Variants in NNT observed in about 807,000 individuals in gnomAD.
NNT encodes the protein NAD(P) transhydrogenase, mitochondrial.
A neutral mutation model predicts 104.8 loss-of-function variants in NNT; 50 were observed. The ratio of observed to expected loss-of-function variants is 0.48; its 90% CI spans 0.38 to 0.60. The LOEUF (loss-of-function observed/expected upper bound fraction) is 0.60. Ranked by LOEUF, NNT falls within the 20% of genes least tolerant of loss-of-function variation. The pLI, the probability that NNT is intolerant of heterozygous loss-of-function variation, is 0.00. For missense variants in NNT, 1,131 were observed against 1,330.7 expected (o/e 0.85, Z 2.33); for synonymous variants, 461 against 490.4 (o/e 0.94, Z 0.79).
At chr5:43,665,832 G>T (rs1330734065) in intron 17 of NNT, among the ~76,000 whole-genome samples, 3 of 150,602 alleles carry the variant, frequency 2.0e-5, no homozygotes, top group African/African-American at 7.3e-5. Context: ...CCTCCTGGAC[G>T]GGGTGGCTGG....
At chr5:43,662,177 C>G (rs1433987286) in intron 17 of NNT, among the ~76,000 whole-genome samples, 1 of 151,988 alleles carries the variant, frequency 6.6e-6, no homozygotes, top group East Asian at 1.9e-4. Flanking sequence ...AGAGTATTCC[C>G]CACATTTCTG....
At chr5:43,608,119 C>T (rs577549690) in intron 1 of NNT, among the ~76,000 whole-genome samples, 33 of 152,136 alleles carry the variant, frequency 2.2e-4, no homozygotes, top group African/African-American at 3.6e-4. Context: ...TTAGTAGAAA[C>T]GGGGTTTCAC....
At chr5:43,622,458 G>A (rs2111635772) in intron 5 of NNT, among the ~76,000 whole-genome samples, 1 of 152,174 alleles carries the variant, frequency 6.6e-6, no homozygotes, top group Non-Finnish European at 1.5e-5. Context: ...AATAGAGACA[G>A]GATCTCACTA....
intron 5 of NNT, 72 bp from the exon 6 acceptor site, chr5:43,623,960 T>C: frequency 1.4e-6 from 2 of 1,405,650 alleles, no homozygotes; most frequent in Non-Finnish European, 2.0e-6. Context: ...TAGGCACCAA[T>C]AATTGTTAGC....
At chr5:43,653,954 CAA>C (rs1189629677) in intron 14 of NNT, among the ~76,000 whole-genome samples, 7 of 100,884 alleles carry the variant, frequency 6.9e-5, no homozygotes, top group African/African-American at 1.1e-4. Context: ...GACTCTGTCT[CAA>C]AAAAAAAAAA....
At position 43,652,240 on chromosome 5, in the gene NNT, A is replaced by G. The variant is rs542851213; in HGVS notation, c.1863+356A>G. On this transcript the variant is annotated intron_variant, in intron 13 of 21. Coordinates refer to ENST00000344920, the MANE Select transcript of NNT (RefSeq NM_182977.3). ...ACAATACAAAATTTGAAAAATTATT[A>G]TTAAGTACTATTAGTTCTTTTCCTA... Among the ~76,000 whole-genome samples, 8 of 152,374 alleles carry G rather than the reference A, an allele frequency of 5.3e-5. No individual in the cohort carries two copies. In the South Asian group the frequency reaches 1.7e-3, roughly 32 times the overall value.
chr5:43,659,198 G>T lies in NNT; in HGVS notation c.2482G>T (p.Gly828Cys). Residue 828 changes from glycine to cysteine, a missense_variant, in exon 17 of 22, where the codon GGT becomes TGT. Coordinates refer to ENST00000344920, the MANE Select transcript of NNT (RefSeq NM_182977.3). Reference protein sequence around the residue: ...MGVTLTAAIGGADMPVVITVL... With the variant: ...MGVTLTAAIGCADMPVVITVL... The stretch of plus-strand genomic sequence containing the variant: ...TGTGACTTTGACAGCTGCTATTGGG[G>T]GTGCTGACATGCCCGTCGTTATCAC... 1 of 1,611,662 alleles carries T rather than the reference G, an allele frequency of 6.2e-7. No individual in the cohort carries two copies. The highest frequency in any genetic ancestry group is 8.5e-7 in the Non-Finnish European group (1 of 1,178,866).
At chr5:43,627,466 C>G (rs1049361793) in intron 6 of NNT, among the ~76,000 whole-genome samples, 1 of 152,108 alleles carries the variant, frequency 6.6e-6, no homozygotes, top group East Asian at 1.9e-4. Flanking sequence ...TAACAAGTAC[C>G]CTGAGTGATT....
chr5:43,688,324 G>A (rs560787180), intron 19 of NNT, among the ~76,000 whole-genome samples: 2 of 152,116 alleles, frequency 1.3e-5, no homozygotes, highest in East Asian at 3.9e-4. Flanking sequence ...GGGTGATGTA[G>A]CCCCCCCACC....
chr5:43,689,001 A>G (rs1407842137), intron 19 of NNT, among the ~76,000 whole-genome samples: 2 of 152,214 alleles, frequency 1.3e-5, no homozygotes, highest in African/African-American at 4.8e-5. Context: ...ACTAGTTTAC[A>G]TTCCCACCAG....
intron 4 of NNT, 117 bp downstream of exon 4, chr5:43,616,182 C>T: frequency 2.4e-6 from 2 of 818,850 alleles, no homozygotes; most frequent in Non-Finnish European, 3.9e-6. Context: ...AGATTACAGC[C>T]TTTTGAGAGT....
chr5:43,653,580 GAA>G (rs201486689), intron 14 of NNT: 9 of 86,972 alleles, frequency 1.0e-4, no homozygotes, highest in Non-Finnish European at 1.8e-4. Context: ...TGTTAAAAAT[GAA>G]AAAAAAAAAA....
intron 7 of NNT, among the ~76,000 whole-genome samples, chr5:43,634,549 G>T (rs1750838148): frequency 1.3e-5 from 2 of 151,922 alleles, no homozygotes; most frequent in South Asian, 4.2e-4. Flanking sequence ...TACTTTTTTT[G>T]TTATCTGATT....
At chr5:43,641,271 G>C (rs1455488965) in intron 7 of NNT, among the ~76,000 whole-genome samples, 3 of 151,764 alleles carry the variant, frequency 2.0e-5, no homozygotes, top group African/African-American at 7.3e-5. Context: ...TTACTATTCT[G>C]CTTCTTTTTT....
Position 43,656,665 on chromosome 5 carries a change from C to A in NNT, c.2306C>A (p.Ser769Tyr), listed in dbSNP as rs779444506. The change falls in exon 16 of 22, where the codon TCT (serine) becomes TAT (tyrosine). Residue 769 changes from serine to tyrosine, a missense_variant. By Grantham distance (144) the Ser-to-Tyr change is moderately radical (BLOSUM62 -2). Transcript: ENST00000344920. Reference sequence around the variant, plus strand: ...TGCTTGGCTCTAGGTCTCCTGAAATCTGCCCCTCTCCTACTGCCTGGAAGG... The same window carrying A: ...TGCTTGGCTCTAGGTCTCCTGAAATATGCCCCTCTCCTACTGCCTGGAAGG... ...AYGKLQGLLKSAPLLLPGRHL... is the reference protein window; with the variant it reads ...AYGKLQGLLKYAPLLLPGRHL... 13 of 1,611,602 alleles carry A rather than the reference C, an allele frequency of 8.1e-6. No homozygotes were observed. The highest frequency in any genetic ancestry group is 1.1e-5 in the Non-Finnish European group (13 of 1,179,314).
chr5:43,607,627 A>C (rs532930704), intron 1 of NNT, among the ~76,000 whole-genome samples: 1 of 152,046 alleles, frequency 6.6e-6, no homozygotes, highest in Admixed American at 6.6e-5. Flanking sequence ...AATTTTTTGT[A>C]TTTTTAGTAG....
chr5:43,671,534 G>T (rs201902992), intron 17 of NNT, among the ~76,000 whole-genome samples: 1 of 151,962 alleles, frequency 6.6e-6, no homozygotes, highest in Non-Finnish European at 1.5e-5. Context: ...ATTTCTCCTT[G>T]ACTTATGAAG....
At chr5:43,660,812 A>G (rs577686224) in intron 17 of NNT, among the ~76,000 whole-genome samples, 2 of 152,328 alleles carry the variant, frequency 1.3e-5, no homozygotes, top group African/African-American at 4.8e-5. Flanking sequence ...GGCGGAAGTC[A>G]GCCCCCATAA....
intron 7 of NNT, among the ~76,000 whole-genome samples, chr5:43,638,057 C>T (rs937869630): frequency 1.3e-5 from 2 of 152,138 alleles, no homozygotes; most frequent in African/African-American, 2.4e-5. Flanking sequence ...ATCCTGTTCT[C>T]GTGATAGCGA....
Sources: allele counts gnomAD v4.1 joint callset (sites outside exome capture counted in the v4.1 genomes callset), GRCh38; gene constraint gnomAD v4.1.1; transcripts MANE v1.5; gene names NCBI Gene and HGNC (gene_info 2026-07-23, HGNC 2026-07-21).